The following ANKRD30A variants were observed in gnomAD, a reference collection of about 807,000 sequenced individuals.
ANKRD30A encodes ankyrin repeat domain 30A, also known as ankyrin repeat domain-containing protein 30A.
In ANKRD30A, 170 loss-of-function variants were observed where a neutral mutation model predicts 166.3. The observed-to-expected ratio is 1.02, with a 90% CI of 0.90 to 1.16. The LOEUF is 1.16. ANKRD30A is among the 50% of genes most tolerant of loss of function. The probability of loss-of-function intolerance (pLI) is 0.00; values close to 1 mark genes in which losing one functional copy is unlikely to be tolerated. For missense variants in ANKRD30A, 1,630 were observed against 1,518.0 expected (o/e 1.07, Z -1.23); for synonymous variants, 564 against 508.9 (o/e 1.11, Z -1.46).
At chr10:37,126,124 A>C in intron 1 of ANKRD30A, 116 bp downstream of exon 1, 1 of 1,136,044 alleles carries the variant, frequency 8.8e-7, no homozygotes, top group Non-Finnish European at 1.3e-6. Context: ...TGGAGGAGTA[A>C]CGGGCAGCGG....
At chr10:37,200,477 A>G (rs1588909807) in intron 30 of ANKRD30A, among the ~76,000 whole-genome samples, 1 of 152,248 alleles carries the variant, frequency 6.6e-6, no homozygotes, top group African/African-American at 2.4e-5. Context: ...GCGGAAAGAC[A>G]TAGAAAGTAT....
At chr10:37,142,333 A>G (rs771527692) in intron 7 of ANKRD30A, 43 bp downstream of exon 7, 42 of 1,519,656 alleles carry the variant, frequency 2.8e-5, no homozygotes, top group Non-Finnish European at 3.5e-5. Context: ...TTGGCACTTC[A>G]GGTTCCCTAG....
chr10:37,164,125 G>GA (rs1199791589), intron 17 of ANKRD30A, among the ~76,000 whole-genome samples: 3 of 147,162 alleles, frequency 2.0e-5, no homozygotes, highest in Non-Finnish European at 3.0e-5. Flanking sequence ...ATTTACTTTT[G>GA]AAACCAGGTA....
chr10:37,194,586 G>C (rs150532165), intron 27 of ANKRD30A, among the ~76,000 whole-genome samples: 1,963 of 152,066 alleles, frequency 0.013, 44 homozygotes, highest in East Asian at 0.095. Flanking sequence ...ACCTTGTGAT[G>C]CGCCCGTCTC....
chr10:37,217,168 A>G (rs984934022), intron 32 of ANKRD30A, among the ~76,000 whole-genome samples: 1 of 151,046 alleles, frequency 6.6e-6, no homozygotes, highest in Non-Finnish European at 1.5e-5. Context: ...AACAAAAGGC[A>G]TATGGGATAA....
chr10:37,192,923 A>T, intron 25 of ANKRD30A, 141 bp from the exon 26 acceptor site: 1 of 1,470,616 alleles, frequency 6.8e-7, no homozygotes, highest in Non-Finnish European at 9.4e-7. Flanking sequence ...AAATACAGTA[A>T]CCCAAAAGAC....
At chr10:37,165,471 C>T (rs1427124354) in intron 18 of ANKRD30A, among the ~76,000 whole-genome samples, 1 of 152,138 alleles carries the variant, frequency 6.6e-6, no homozygotes, top group East Asian at 1.9e-4. Context: ...CTGAGTCGAG[C>T]TATGGGCAAA....
chr10:37,140,163 T>C (rs1837003375), intron 6 of ANKRD30A, among the ~76,000 whole-genome samples: 1 of 152,196 alleles, frequency 6.6e-6, no homozygotes, highest in Non-Finnish European at 1.5e-5. Flanking sequence ...TCATGTTGAG[T>C]AGTCTGATAA....
chr10:37,257,046 CTATTAAA>C, the ANKRD30A span, among the ~76,000 whole-genome samples: 1 of 151,862 alleles, frequency 6.6e-6, no homozygotes, highest in Non-Finnish European at 1.5e-5. Flanking sequence ...GGTTGGTAGG[CTATTAAA>C]TACTGGTTCT....
At chr10:37,153,223 G>GAAAT (rs1431064257) in intron 12 of ANKRD30A, among the ~76,000 whole-genome samples, 2 of 152,120 alleles carry the variant, frequency 1.3e-5, no homozygotes, top group African/African-American at 4.8e-5. Context: ...TATTTTGTTT[G>GAAAT]AAATGTCTTA....
At chr10:37,194,561 G>C (rs1185494239) in intron 27 of ANKRD30A, among the ~76,000 whole-genome samples, 1 of 151,966 alleles carries the variant, frequency 6.6e-6, no homozygotes, top group Admixed American at 6.6e-5. Flanking sequence ...AGGATGGTCT[G>C]ATCCGGATCT....
chr10:37,163,998 G>A lies in ANKRD30A; in HGVS notation c.2003-1096G>A, dbSNP rs559654851. 3.0e-4 allele frequency among the ~76,000 whole-genome samples: 42 copies of A among 139,282 alleles called. 1 individual carries two copies. The highest frequency in any genetic ancestry group is 3.7e-3 in the Middle Eastern group (1 of 272). The allele number at this position is 139,282 out of a possible 152,430, so 91.4% of individuals were successfully genotyped here. On this transcript the variant is annotated intron_variant, in intron 17 of 35. Coordinates refer to ENST00000361713, the MANE Select transcript of ANKRD30A (RefSeq NM_052997.3). ...TGGCAACACGTTAGATCTCTGAAAC[G>A]ATCCAGGGTACGCTTCTAAAAATGA... is the stretch of plus-strand genomic sequence containing the variant.
chr10:37,244,913 A>C, the ANKRD30A span, among the ~76,000 whole-genome samples: 2 of 152,280 alleles, frequency 1.3e-5, no homozygotes, highest in South Asian at 2.1e-4. Context: ...ACTCTGGACA[A>C]CCATAGCTTT....
At chr10:37,156,599 A>T (rs546334181) in intron 13 of ANKRD30A, among the ~76,000 whole-genome samples, 30 of 152,120 alleles carry the variant, frequency 2.0e-4, no homozygotes, top group African/African-American at 6.7e-4. Context: ...AATGCCAGTT[A>T]TTTTCTTTAT....
intron 31 of ANKRD30A, among the ~76,000 whole-genome samples, chr10:37,215,142 A>T (rs1331504931): frequency 6.6e-6 from 1 of 151,532 alleles, no homozygotes; most frequent in Non-Finnish European, 1.5e-5. Flanking sequence ...GTTACTTATA[A>T]ACAGCTTGAT....
At chr10:37,203,877 T>A (rs1841814642) in intron 31 of ANKRD30A, among the ~76,000 whole-genome samples, 1 of 152,124 alleles carries the variant, frequency 6.6e-6, no homozygotes, top group Non-Finnish European at 1.5e-5. Flanking sequence ...ATGAGTGAAC[T>A]CCCATTCACA....
At chr10:37,148,354 C>A (rs1333056513) in intron 9 of ANKRD30A, among the ~76,000 whole-genome samples, 5 of 151,864 alleles carry the variant, frequency 3.3e-5, no homozygotes, top group African/African-American at 1.2e-4. Flanking sequence ...GATAAAGAAA[C>A]AAATTATAAA....
At chr10:37,232,594 T>C (rs1352112841), downstream of ANKRD30A, 2 of 140,646 alleles carry the variant, frequency 1.4e-5, no homozygotes, top group African/African-American at 5.2e-5. Context: ...TAAGAATCAA[T>C]TTCTGGAGAT....
chr10:37,129,776 G>A, intron 1 of ANKRD30A, 117 bp from the exon 2 acceptor site: 1 of 471,870 alleles, frequency 2.1e-6, no homozygotes, highest in Non-Finnish European at 3.5e-6. Context: ...AGAATATTAA[G>A]TATTTGTTTT....
Sources: allele counts gnomAD v4.1 joint callset (sites outside exome capture counted in the v4.1 genomes callset), GRCh38; gene constraint gnomAD v4.1.1; transcripts MANE v1.5; gene names NCBI Gene and HGNC (gene_info 2026-07-23, HGNC 2026-07-21).